Variants in PLEKHG4B observed in about 807,000 individuals in gnomAD.
The protein encoded by PLEKHG4B is pleckstrin homology and RhoGEF domain containing G4B, also known as pleckstrin homology domain-containing family G member 4B.
In PLEKHG4B, 111 loss-of-function variants were observed where a neutral mutation model predicts 121.3. The ratio of observed to expected loss-of-function variants is 0.92; its 90% CI spans 0.78 to 1.07. The LOEUF (loss-of-function observed/expected upper bound fraction) is 1.07. Ranked by LOEUF, PLEKHG4B falls within the 50% of genes least tolerant of loss-of-function variation. The pLI is 0.00. For synonymous variants in PLEKHG4B, 738 were observed against 725.0 expected, an observed-to-expected ratio of 1.02 and a Z score of -0.29; for missense variants, 1,831 against 1,757.8, an observed-to-expected ratio of 1.04 and a Z score of -0.74.
At position 182,061 on chromosome 5, in the gene PLEKHG4B, A is replaced by C. The variant is rs201350417; in HGVS notation, c.4622A>C (p.Lys1541Thr). Reference protein sequence around the residue: ...VSSSDHAAPFKRPHSTISDSS... With the variant: ...VSSSDHAAPFTRPHSTISDSS... ...TCCTCTGACCACGCCGCCCCCTTCAAGCGACCACACTCCACCATCTCAGAC... is the reference window on the plus strand; with the variant it reads ...TCCTCTGACCACGCCGCCCCCTTCACGCGACCACACTCCACCATCTCAGAC... Residue 1541 changes from lysine to threonine, a missense_variant, in exon 20 of 20, where the codon AAG becomes ACG. Transcript: ENST00000637938. 2.0e-5 allele frequency: 32 copies of C among 1,614,068 alleles called. No individual in the cohort carries two copies. The East Asian group carries it at 6.7e-4, about 34-fold the overall frequency.
At position 103,738 on chromosome 5, in the gene PLEKHG4B, A is replaced by G. The variant is rs1733889992; in HGVS notation, c.46-9513A>G. On this transcript the variant is annotated intron_variant, in intron 1 of 19. Transcript: ENST00000637938. The stretch of plus-strand genomic sequence containing the variant: ...GTTGGGAACATAATGATTCTCTTCT[A>G]GCTATATACAGTAATCTATACAACA... Among the ~76,000 whole-genome samples, 10 of 152,178 alleles carry G rather than the reference A, an allele frequency of 6.6e-5. No individual in the cohort carries two copies. The South Asian group carries it at 2.1e-3, about 32-fold the overall frequency.
At chr5:114,068 C>G (rs963398228) in intron 2 of PLEKHG4B, among the ~76,000 whole-genome samples, 2 of 152,136 alleles carry the variant, frequency 1.3e-5, no homozygotes, top group Admixed American at 6.5e-5. Context: ...GCATACATAC[C>G]TTAATTTTAA....
At position 137,280 on chromosome 5, in the gene PLEKHG4B, T is replaced by G. The variant is rs1161380820; in HGVS notation, c.244-2203T>G. ...GGCAGGGGAATGGTGAGCTGGTGTT[T>G]AATGGGTTCACCGTTTCAGTTTGGG... On this transcript the variant is annotated intron_variant, in intron 2 of 19. Transcript: ENST00000637938. The surrounding 1 kb of genome is among the most constrained non-coding windows in gnomAD (Gnocchi z 4.2). Among the ~76,000 whole-genome samples the G allele has an allele frequency of 6.6e-6, 1 of 152,148 alleles. No individual in the cohort carries two copies. The highest frequency in any genetic ancestry group is 1.9e-4 in the East Asian group (1 of 5,190).
chr5:163,689 G>C, intron 13 of PLEKHG4B, 141 bp downstream of exon 13: 4 of 759,758 alleles, frequency 5.3e-6, no homozygotes, highest in Non-Finnish European at 8.2e-6. Context: ...TCCGGTCTAA[G>C]AAGAAACACA....
chr5:113,155 C>T lies in PLEKHG4B; in HGVS notation c.46-96C>T, dbSNP rs1734206852. On this transcript the variant is annotated intron_variant, in intron 1 of 19. Transcript: ENST00000637938. This position sits in a 1 kb window ranked among gnomAD's most constrained non-coding sequence, Gnocchi z 5.2. ...ATCATGCCAGACACAGGACAAGGGA[C>T]TTCCGTGTGGATCCTTCAGTGCCAG... is the stretch of plus-strand genomic sequence containing the variant. 1 of 398,200 alleles carries T rather than the reference C, an allele frequency of 2.5e-6. No homozygotes were observed. Among genetic ancestry groups the T allele is most frequent in the South Asian group, 1.4e-4 (1 of 7,084 alleles). The allele number at this position is 398,200 out of a possible 1,614,324, so 24.7% of individuals were successfully genotyped here.
intron 13 of PLEKHG4B, 37 bp from the exon 14 acceptor site, chr5:169,303 G>C (rs1736456627): frequency 6.2e-7 from 1 of 1,610,282 alleles, no homozygotes. Flanking sequence ...GTGTCCGTGG[G>C]GGGCCGTGTG....
chr5:165,186 C>A (rs62344144), intron 13 of PLEKHG4B, among the ~76,000 whole-genome samples: 1,884 of 11,754 alleles, frequency 0.16, 56 homozygotes, highest in African/African-American at 0.24. Context: ...GCTCACAGTA[C>A]TCCTCTGACG....
chr5:150,786 C>G (rs2126417876), intron 6 of PLEKHG4B, among the ~76,000 whole-genome samples: 1 of 152,272 alleles, frequency 6.6e-6, no homozygotes, highest in Middle Eastern at 3.4e-3. Context: ...GATGGAAATG[C>G]AAAATGGTAC....
In PLEKHG4B at chr5:163,344, C is replaced by A. The variant is rs1341674913; in HGVS notation, c.3272C>A (p.Pro1091His). 1 of 1,613,348 alleles carries A rather than the reference C, an allele frequency of 6.2e-7. No homozygotes were observed. Among genetic ancestry groups the A allele is most frequent in the East Asian group, 2.2e-5 (1 of 44,882 alleles). ...KKTQSFEIPQ[P>H]DSGPRDSCQP... Reference sequence around the variant, plus strand: ...ACGCAAAGTTTCGAGATACCTCAGCCCGACAGTGGCCCCAGGGACTCCTGC... The same window carrying A: ...ACGCAAAGTTTCGAGATACCTCAGCACGACAGTGGCCCCAGGGACTCCTGC... The change falls in exon 13 of 20, where the codon CCC (proline) becomes CAC (histidine). Residue 1091 changes from proline to histidine, a missense_variant. Pro to His is a moderately conservative substitution (Grantham distance 77). Transcript: ENST00000637938.
intron 13 of PLEKHG4B, among the ~76,000 whole-genome samples, chr5:168,824 T>A (rs1234425268): frequency 6.6e-6 from 1 of 151,324 alleles, no homozygotes; most frequent in Non-Finnish European, 1.5e-5. Flanking sequence ...TGCAGGTGAG[T>A]CGCTCCTTGC....
chr5:173,542 C>T (rs1031555028), intron 17 of PLEKHG4B, among the ~76,000 whole-genome samples: 15 of 152,006 alleles, frequency 9.9e-5, no homozygotes, highest in African/African-American at 3.4e-4. Context: ...CATGCATAGC[C>T]TTGCACACTC....
In PLEKHG4B at chr5:158,669, C is replaced by T. The variant is rs553907179; in HGVS notation, c.2487+1758C>T. Among the ~76,000 whole-genome samples the T allele has an allele frequency of 2.0e-5, 3 of 150,374 alleles. No individual in the cohort carries two copies. In the South Asian group the frequency reaches 6.3e-4, roughly 32 times the overall value. Reference sequence around the variant, plus strand: ...CCCTCTGCCCATCCTGGGGGATCTCCCCCATCTCCCCTTCCTCCCTCTGCC... The same window carrying T: ...CCCTCTGCCCATCCTGGGGGATCTCTCCCATCTCCCCTTCCTCCCTCTGCC... On this transcript the variant is annotated intron_variant, in intron 11 of 19. Transcript: ENST00000637938.
chr5:99,017 G>A (rs1733716099), intron 1 of PLEKHG4B, among the ~76,000 whole-genome samples: 1 of 146,182 alleles, frequency 6.8e-6, no homozygotes, highest in Non-Finnish European at 1.5e-5. Context: ...TTAGCTGGGT[G>A]TGGTGCTGTG....
In PLEKHG4B at chr5:188,357, C is replaced by G; in HGVS notation, c.*6034C>G. 6.6e-6 allele frequency: 1 copy of G among 152,366 alleles called. No individual in the cohort carries two copies. The highest frequency in any genetic ancestry group is 2.1e-4 in the South Asian group (1 of 4,828). 9.4% of individuals were successfully genotyped at this position (152,366 alleles called of 1,614,324 possible). A position where few individuals can be genotyped will look rare whatever the true frequency, so the allele number is the denominator to read the frequency against. On this transcript the variant is annotated 3_prime_UTR_variant, in exon 20 of 20. Transcript: ENST00000637938. The stretch of plus-strand genomic sequence containing the variant: ...AGAGGACCGACCCTGCAGGGAGATG[C>G]TGACCCACCCTGAGACCCAGGAGAA...
In PLEKHG4B at chr5:161,963, G is replaced by T. The variant is rs375886045; in HGVS notation, c.2649+19G>T. ...CGAGACGGTAAGAGACCCAGTGGGC[G>T]TGCGTCCCAGGGATCCCGGCTCCTT... On this transcript the variant is annotated intron_variant, in intron 12 of 19. Coordinates refer to ENST00000637938, the MANE Select transcript of PLEKHG4B (RefSeq NM_052909.5). 6.3e-7 allele frequency: 1 copy of T among 1,593,854 alleles called. No homozygotes were observed. Among genetic ancestry groups the T allele is most frequent in the Admixed American group, 1.7e-5 (1 of 59,084 alleles).
At chr5:102,673 C>T (rs1275227824) in intron 1 of PLEKHG4B, among the ~76,000 whole-genome samples, 2 of 152,354 alleles carry the variant, frequency 1.3e-5, no homozygotes, top group East Asian at 1.9e-4. Flanking sequence ...GTATGGCCTG[C>T]AGAACGCTGA....
At position 140,303 on chromosome 5, in the gene PLEKHG4B, C is replaced by T. The variant is rs780024096; in HGVS notation, c.1064C>T (p.Ser355Leu). Residue 355 changes from serine (S) to leucine (L), a missense_variant, in exon 3 of 20, where the codon TCG becomes TTG. Transcript: ENST00000637938. ...CVQPRRWFRE[S>L]YMEALRNPMP... ...CAGCCTAGACGCTGGTTCAGGGAGTCGTACATGGAAGCCTTGCGGAACCCC... is the reference window on the plus strand; with the variant it reads ...CAGCCTAGACGCTGGTTCAGGGAGTTGTACATGGAAGCCTTGCGGAACCCC... The T allele has an allele frequency of 5.4e-6, 8 of 1,491,730 alleles. No homozygotes were observed. Among genetic ancestry groups the T allele is most frequent in the South Asian group, 4.1e-5 (3 of 72,676 alleles). 92.4% of individuals were successfully genotyped at this position (1,491,730 alleles called of 1,614,324 possible). A position where few individuals can be genotyped will look rare whatever the true frequency, so the allele number is the denominator to read the frequency against.
intron 18 of PLEKHG4B, among the ~76,000 whole-genome samples, chr5:177,970 G>A (rs1380292017): frequency 1.4e-5 from 2 of 147,742 alleles, no homozygotes; most frequent in African/African-American, 5.1e-5. Context: ...TTCTGTTGGG[G>A]GAACGTGAGG....
chr5:160,515 C>T (rs1560939135), intron 11 of PLEKHG4B, among the ~76,000 whole-genome samples: 1 of 152,174 alleles, frequency 6.6e-6, no homozygotes, highest in Non-Finnish European at 1.5e-5. Flanking sequence ...TGGACATTCT[C>T]TTCACACGTT....
Sources: gnomAD v4.1 joint callset for allele counts (sites outside exome capture counted in the v4.1 genomes callset) on GRCh38, gnomAD v4.1.1 for gene constraint, Gnocchi (gnomAD v3.1) non-coding constraint, MANE v1.5 for transcripts, NCBI Gene and HGNC (gene_info 2026-07-23, HGNC 2026-07-21) for gene names.